Variants in GABRB2 observed in about 807,000 individuals in gnomAD.
GABRB2 encodes gamma-aminobutyric acid receptor subunit beta-2.
In GABRB2, 16 loss-of-function variants were observed where a neutral mutation model predicts 54.7. The observed-to-expected ratio is 0.29, with a 90% CI of 0.20 to 0.44. The LOEUF (loss-of-function observed/expected upper bound fraction) is 0.44. GABRB2 is among the 20% of genes least tolerant of loss of function. The pLI is 1.00. For synonymous variants in GABRB2, 244 were observed against 233.8 expected (o/e 1.04, Z -0.40); for missense variants, 355 against 644.0 (o/e 0.55, Z 4.86).
chr5:161,399,669 C>G (rs957942870), intron 5 of GABRB2, among the ~76,000 whole-genome samples: 1 of 152,200 alleles, frequency 6.6e-6, no homozygotes, highest in Non-Finnish European at 1.5e-5. Flanking sequence ...CCCATATAAT[C>G]CCCTTCTGTT....
chr5:161,395,121 G>C (rs932649255), intron 5 of GABRB2, among the ~76,000 whole-genome samples: 8 of 152,134 alleles, frequency 5.3e-5, no homozygotes, highest in African/African-American at 1.9e-4. Context: ...ATCATCCACT[G>C]AAGGGGCTAC....
intron 9 of GABRB2, among the ~76,000 whole-genome samples, chr5:161,324,655 T>C (rs1277612441): frequency 6.6e-6 from 1 of 152,106 alleles, no homozygotes; most frequent in Non-Finnish European, 1.5e-5. Flanking sequence ...AATTGTGACA[T>C]ATATCTTGAT....
intron 9 of GABRB2, among the ~76,000 whole-genome samples, chr5:161,302,234 C>T (rs1012188761): frequency 5.9e-5 from 9 of 152,180 alleles, no homozygotes; most frequent in African/African-American, 1.9e-4. Context: ...TTTCCTTTCC[C>T]CTCTTTCTGT....
chr5:161,333,455 TTTC>T (rs1753911241), intron 7 of GABRB2, among the ~76,000 whole-genome samples: 1 of 152,032 alleles, frequency 6.6e-6, no homozygotes, highest in South Asian at 2.1e-4. Context: ...TGAGAGGTCA[TTTC>T]TTCTCCTTCC....
chr5:161,361,226 ATATATC>A (rs553090855), intron 5 of GABRB2, among the ~76,000 whole-genome samples: 2 of 152,212 alleles, frequency 1.3e-5, no homozygotes, highest in Admixed American at 6.5e-5. Flanking sequence ...TAAAAAAATG[ATATATC>A]TAAATATATA....
chr5:161,505,108 T>C (rs1759564383), intron 3 of GABRB2, among the ~76,000 whole-genome samples: 1 of 150,636 alleles, frequency 6.6e-6, no homozygotes, highest in Non-Finnish European at 1.5e-5. Flanking sequence ...TTTTTCCTTT[T>C]CTTTTTTTTT....
intron 9 of GABRB2, among the ~76,000 whole-genome samples, chr5:161,297,422 T>A (rs757962889): frequency 6.6e-6 from 1 of 152,120 alleles, no homozygotes; most frequent in Non-Finnish European, 1.5e-5. Flanking sequence ...CCTAATGCTA[T>A]CCCTCCCCTA....
chr5:161,406,757 T>C (rs1319158266), intron 5 of GABRB2, among the ~76,000 whole-genome samples: 2 of 152,080 alleles, frequency 1.3e-5, no homozygotes, highest in Non-Finnish European at 2.9e-5. Context: ...TGGTTTCTGA[T>C]GCTGTCACAA....
chr5:161,384,408 G>A (rs986634062), intron 5 of GABRB2, among the ~76,000 whole-genome samples: 1 of 152,168 alleles, frequency 6.6e-6, no homozygotes, highest in African/African-American at 2.4e-5. Flanking sequence ...GGTGAGACAT[G>A]CTTATCAGTT....
chr5:161,348,302 C>T (rs1214661330), intron 5 of GABRB2, among the ~76,000 whole-genome samples: 2 of 151,764 alleles, frequency 1.3e-5, no homozygotes, highest in Non-Finnish European at 2.9e-5. Flanking sequence ...ATATAAATAA[C>T]GTTTTATGAA....
chr5:161,410,836 A>G (rs1756491066), intron 5 of GABRB2, 139 bp downstream of exon 5: 2 of 589,390 alleles, frequency 3.4e-6, no homozygotes, highest in Non-Finnish European at 6.1e-6. Context: ...GATGCTGTCA[A>G]TGCTTCCCTC....
chr5:161,512,894 A>G (rs537573425), intron 3 of GABRB2, among the ~76,000 whole-genome samples: 18 of 152,102 alleles, frequency 1.2e-4, no homozygotes, highest in African/African-American at 4.1e-4. Flanking sequence ...TGGGCAAAAA[A>G]TATGTTCAGA....
intron 4 of GABRB2, among the ~76,000 whole-genome samples, chr5:161,430,257 A>C (rs994574199): frequency 6.6e-6 from 1 of 152,234 alleles, no homozygotes; most frequent in African/African-American, 2.4e-5. Flanking sequence ...GTATGAGTAC[A>C]TGGCCACAGC....
chr5:161,301,935 G>C (rs1757553366), intron 9 of GABRB2, among the ~76,000 whole-genome samples: 1 of 152,188 alleles, frequency 6.6e-6, no homozygotes, highest in Admixed American at 6.5e-5. Context: ...GAAGTCTCCT[G>C]CTTCCAATTC....
At chr5:161,378,124 A>T (rs1755362338) in intron 5 of GABRB2, among the ~76,000 whole-genome samples, 1 of 152,098 alleles carries the variant, frequency 6.6e-6, no homozygotes, top group African/African-American at 2.4e-5. Flanking sequence ...TCTGAAACTA[A>T]ACATTTAAGA....
chr5:161,413,382 T>C (rs1297507350), intron 4 of GABRB2, among the ~76,000 whole-genome samples: 1 of 152,006 alleles, frequency 6.6e-6, no homozygotes, highest in East Asian at 1.9e-4. Flanking sequence ...AGTACCAGAG[T>C]TTATCTTATC....
Position 161,326,453 on chromosome 5 carries a change from C to T in GABRB2, c.1106G>A (p.Gly369Glu), listed in dbSNP as rs746676965. 1.2e-6 allele frequency: 2 copies of T among 1,613,136 alleles called. No individual in the cohort carries two copies. Among genetic ancestry groups the T allele is most frequent in the East Asian group, 4.5e-5 (2 of 44,842 alleles). The change falls in exon 9 of 10, where the codon GGG (glycine) becomes GAG (glutamate). Residue 369 changes from glycine (G) to glutamate (E), a missense_variant. Physicochemically the swap from Gly to Glu is moderately conservative, Grantham distance 98. This residue lies in a region of GABRB2 where 201 missense variants were observed against 228.1 expected (regional missense o/e 0.88). Coordinates refer to ENST00000393959, the MANE Select transcript of GABRB2 (RefSeq NM_001371727.1). ...GTCCCACAAGGATCGATATTGGGTC[C>T]CATTTTGTTTAATATCTTTATAAAA... The part of the protein sequence containing the change: ...KIFYKDIKQN[G>E]TQYRSLWDPT...
upstream of GABRB2, chr5:161,546,798 T>A: frequency 7.1e-7 from 1 of 1,407,058 alleles, no homozygotes; most frequent in Non-Finnish European, 9.2e-7. Context: ...CAGATTTCCT[T>A]GTTTAAAAAA....
In GABRB2 at chr5:161,297,970, C is replaced by T. The variant is rs570631669; in HGVS notation, c.1192-3542G>A. 2.8e-3 allele frequency among the ~76,000 whole-genome samples: 421 copies of T among 152,260 alleles called. 2 individuals are homozygous for T. Among genetic ancestry groups the T allele is most frequent in the African/African-American group, 9.8e-3 (409 of 41,546 alleles). Reference sequence around the variant, plus strand: ...TTGTTTCCTGACTTTTTAATGATTGCCATTCTAACTGGCCTGAGATGGTAT... The same window carrying T: ...TTGTTTCCTGACTTTTTAATGATTGTCATTCTAACTGGCCTGAGATGGTAT... On this transcript the variant is annotated intron_variant, in intron 9 of 9. Coordinates refer to ENST00000393959, the MANE Select transcript of GABRB2 (RefSeq NM_001371727.1).
Sources: gnomAD v4.1 joint callset for allele counts (sites outside exome capture counted in the v4.1 genomes callset) on GRCh38, gnomAD v4.1.1 for gene constraint, gnomAD v4.1.1 regional missense constraint, MANE v1.5 for transcripts, NCBI Gene and HGNC (gene_info 2026-07-23, HGNC 2026-07-21) for gene names.